Variants in MCC observed in about 807,000 individuals in gnomAD.
The protein encoded by MCC is MCC regulator of Wnt signaling pathway, also known as colorectal mutant cancer protein.
MCC carries 90 observed loss-of-function variants against 116.2 expected under a neutral mutation model. The observed-to-expected ratio is 0.77, with a 90% confidence interval of 0.65 to 0.92. MCC has a LOEUF of 0.92. MCC is among the 40% of genes least tolerant of loss of function. The pLI, the probability that MCC is intolerant of heterozygous loss-of-function variation, is 0.00. For missense variants in MCC, 1,516 were observed against 1,312.2 expected, an observed-to-expected ratio of 1.16 and a Z score of -2.40; for synonymous variants, 578 against 510.5, an observed-to-expected ratio of 1.13 and a Z score of -1.78.
intron 1 of MCC, among the ~76,000 whole-genome samples, chr5:113,483,992 G>C (rs1445819626): frequency 4.6e-5 from 7 of 152,160 alleles, no homozygotes; most frequent in Admixed American, 4.6e-4. Flanking sequence ...GAGCTAAATG[G>C]TGAGAACACA....
At chr5:113,075,929 G>A (rs991287376) in intron 11 of MCC, among the ~76,000 whole-genome samples, 2 of 152,078 alleles carry the variant, frequency 1.3e-5, no homozygotes, top group African/African-American at 2.4e-5. Context: ...CTCCAGATGC[G>A]CCCCCTTTAA....
chr5:113,477,079 A>G (rs1335012901), intron 1 of MCC, among the ~76,000 whole-genome samples: 5 of 152,204 alleles, frequency 3.3e-5, no homozygotes, highest in African/African-American at 4.8e-5. Flanking sequence ...TTCAAATTCT[A>G]TAATAAAAAT....
chr5:113,143,327 C>T lies in MCC; in HGVS notation c.775G>A (p.Asp259Asn). ...CGAAGTGTCGTTCGCTCCTGGACAT[C>T]CTCATGCTCTCTCATGAGGTGGGAC... The part of the protein sequence containing the change: ...EQSHLMREHE[D>N]VQERTTLRYE... The change falls in exon 5 of 19, where the codon GAT becomes AAT. Residue 259 changes from aspartate (D) to asparagine (N), a missense_variant. Physicochemically the swap from Asp to Asn is conservative, Grantham distance 23. Coordinates refer to ENST00000408903, the MANE Select transcript of MCC (RefSeq NM_001085377.2). 1.2e-6 allele frequency: 2 copies of T among 1,613,780 alleles called. No individual in the cohort carries two copies. Among genetic ancestry groups the T allele is most frequent in the Non-Finnish European group, 1.7e-6 (2 of 1,179,944 alleles).
chr5:113,144,511 C>T lies in MCC; in HGVS notation c.742-1151G>A, dbSNP rs113411493. Among the ~76,000 whole-genome samples, 1,231 of 152,290 alleles carry T rather than the reference C, an allele frequency of 8.1e-3. 7 individuals are homozygous for T. Among genetic ancestry groups the T allele is most frequent in the Non-Finnish European group, 0.013 (887 of 68,028 alleles). On this transcript the variant is annotated intron_variant, in intron 4 of 18. Transcript: ENST00000408903. Reference sequence around the variant, plus strand: ...TCCAGTGAGAGTAGGACTTCTCACCCGCTACCTCCCCTGTCCCTCCCTAAA... The same window carrying T: ...TCCAGTGAGAGTAGGACTTCTCACCTGCTACCTCCCCTGTCCCTCCCTAAA...
chr5:113,239,634 G>C (rs144774943), intron 3 of MCC, among the ~76,000 whole-genome samples: 3 of 152,308 alleles, frequency 2.0e-5, no homozygotes, highest in African/African-American at 7.2e-5. Flanking sequence ...AAGAGGACTC[G>C]AGTTCTGAGA....
At chr5:113,280,282 C>T (rs1765993900) in intron 3 of MCC, among the ~76,000 whole-genome samples, 1 of 152,210 alleles carries the variant, frequency 6.6e-6, no homozygotes, top group East Asian at 1.9e-4. Flanking sequence ...GTTCCAGGGG[C>T]TCACACCGCT....
intron 3 of MCC, among the ~76,000 whole-genome samples, chr5:113,152,485 G>C (rs1282114190): frequency 6.6e-6 from 1 of 152,202 alleles, no homozygotes; most frequent in Non-Finnish European, 1.5e-5. Flanking sequence ...GGCTTTATAG[G>C]CTTTTTGTAG....
intron 3 of MCC, among the ~76,000 whole-genome samples, chr5:113,250,713 A>G (rs768070135): frequency 1.3e-5 from 2 of 152,172 alleles, no homozygotes; most frequent in African/African-American, 4.8e-5. Context: ...CAGGGACTCA[A>G]AACTGAAGAC....
intron 16 of MCC, 136 bp from the exon 17 acceptor site, chr5:113,043,766 C>G: frequency 1.6e-6 from 1 of 617,420 alleles, no homozygotes; most frequent in East Asian, 2.8e-5. Context: ...TCAGGTCATG[C>G]CAAAGGGGAA....
Position 113,488,327 on chromosome 5 carries a change from CGCTGCTGCTGCT to C in MCC, c.76_87del (p.Ser26_Ser29del), listed in dbSNP as rs577989080. 4.7e-5 allele frequency: 72 copies of C among 1,519,470 alleles called. No individual in the cohort carries two copies. Among genetic ancestry groups the C allele is most frequent in the Middle Eastern group, 1.7e-4 (1 of 5,730 alleles). The allele number at this position is 1,519,470 out of a possible 1,614,324, so 94.1% of individuals were successfully genotyped here. A position where few individuals can be genotyped will look rare whatever the true frequency, so the allele number is the denominator to read the frequency against. ...TCCTCCTCGCCGGTGCTGGACGTGTCGCTGCTGCTGCTGCTGCTGCCGCTGCCGCCGCCGCCG... is the reference window on the plus strand; with the variant it reads ...TCCTCCTCGCCGGTGCTGGACGTGTCGCTGCTGCCGCTGCCGCCGCCGCCG... On this transcript the variant is annotated inframe_deletion, in exon 1 of 19. Coordinates refer to ENST00000408903, the MANE Select transcript of MCC (RefSeq NM_001085377.2).
intron 3 of MCC, among the ~76,000 whole-genome samples, chr5:113,212,435 G>A (rs1763167414): frequency 6.6e-6 from 1 of 151,804 alleles, no homozygotes; most frequent in South Asian, 2.1e-4. Flanking sequence ...ACCATTCTTG[G>A]AAAGCATTCA....
intron 3 of MCC, among the ~76,000 whole-genome samples, chr5:113,165,507 G>A (rs780454442): frequency 6.6e-6 from 1 of 152,016 alleles, no homozygotes; most frequent in East Asian, 1.9e-4. Flanking sequence ...GGCATTACTC[G>A]CTGCAGATGG....
chr5:113,419,017 A>G lies in MCC; in HGVS notation c.171-33805T>C, dbSNP rs375448806. ...AACTAACAGAAATGAATTCATTGGGAAAAAGTTTGGCAATTCCTAAGAACG... is the reference window on the plus strand; with the variant it reads ...AACTAACAGAAATGAATTCATTGGGGAAAAGTTTGGCAATTCCTAAGAACG... On this transcript the variant is annotated intron_variant, in intron 1 of 18. Coordinates refer to ENST00000408903, the MANE Select transcript of MCC (RefSeq NM_001085377.2). Among the ~76,000 whole-genome samples the G allele has an allele frequency of 3.3e-4, 51 of 152,312 alleles. 4 individuals carry two copies. The highest frequency in any genetic ancestry group is 7.8e-4 in the Admixed American group (12 of 15,290).
rs189205925 is a variant in MCC at position 113,050,811 on chromosome 5, C to A, written c.2449-1512G>T. ...AACGGCAAGGAGGGCAGGTGCTGGC[C>A]AGCAAGGCGTCAGACTGTCCTCAGG... is the stretch of plus-strand genomic sequence containing the variant. On this transcript the variant is annotated intron_variant, in intron 15 of 18. Coordinates refer to ENST00000408903, the MANE Select transcript of MCC (RefSeq NM_001085377.2). Among the ~76,000 whole-genome samples, 151 of 152,336 alleles carry A rather than the reference C, an allele frequency of 9.9e-4. 5 individuals carry two copies. The highest frequency in any genetic ancestry group is 9.5e-3 in the Admixed American group (146 of 15,306).
chr5:113,428,747 A>C (rs1400247484), intron 1 of MCC: 1 of 152,148 alleles, frequency 6.6e-6, no homozygotes, highest in Non-Finnish European at 1.5e-5. Flanking sequence ...TTAAGGGGAA[A>C]CCTGTCTACA....
chr5:113,067,053 G>A lies in MCC; in HGVS notation c.2029+1027C>T, dbSNP rs370327395. 3.5e-4 allele frequency among the ~76,000 whole-genome samples: 53 copies of A among 152,284 alleles called. 1 individual carries two copies. The highest frequency in any genetic ancestry group is 3.4e-3 in the Middle Eastern group (1 of 294). On this transcript the variant is annotated intron_variant, in intron 13 of 18. Coordinates refer to ENST00000408903, the MANE Select transcript of MCC (RefSeq NM_001085377.2). ...GTCCTCCCCACATCACTGCAGGCTCGGAGCCACAATCACTGGCCACGTTTT... is the reference window on the plus strand; with the variant it reads ...GTCCTCCCCACATCACTGCAGGCTCAGAGCCACAATCACTGGCCACGTTTT...
chr5:113,117,127 T>A (rs563962649), intron 6 of MCC, among the ~76,000 whole-genome samples: 1 of 152,322 alleles, frequency 6.6e-6, no homozygotes, highest in South Asian at 2.1e-4. Flanking sequence ...TAAACACATT[T>A]CTCCAGGTCT....
intron 3 of MCC, among the ~76,000 whole-genome samples, chr5:113,213,414 C>T (rs997030225): frequency 2.0e-5 from 3 of 152,174 alleles, no homozygotes; most frequent in African/African-American, 4.8e-5. Context: ...ATGTGAAATG[C>T]AAGGCATGGT....
chr5:113,410,393 T>G (rs1005205282), intron 1 of MCC, among the ~76,000 whole-genome samples: 3 of 152,218 alleles, frequency 2.0e-5, no homozygotes, highest in African/African-American at 7.2e-5. Context: ...CATCATGTAT[T>G]TCTTATAAAA....
Sources: gnomAD v4.1 joint callset for allele counts (sites outside exome capture counted in the v4.1 genomes callset) on GRCh38, gnomAD v4.1.1 for gene constraint, MANE v1.5 for transcripts, NCBI Gene and HGNC (gene_info 2026-07-23, HGNC 2026-07-21) for gene names.